The following SEC63 variants were observed in gnomAD, a reference collection of about 807,000 sequenced individuals.
SEC63 encodes SEC63 protein translocation regulator.
SEC63 carries 56 observed loss-of-function variants against 116.2 expected under a neutral mutation model. The ratio of observed to expected loss-of-function variants is 0.48; its 90% CI spans 0.39 to 0.60. SEC63 has a LOEUF of 0.60. Ranked by LOEUF, SEC63 falls within the 20% of genes least tolerant of loss-of-function variation. SEC63 has a pLI of 0.00. For synonymous variants in SEC63, 273 were observed against 294.6 expected (o/e 0.93, Z 0.75); for missense variants, 668 against 900.0 (o/e 0.74, Z 3.30).
At chr6:107,911,685 T>C (rs1310403695) in intron 6 of SEC63, among the ~76,000 whole-genome samples, 3 of 152,216 alleles carry the variant, frequency 2.0e-5, no homozygotes, top group African/African-American at 7.2e-5. Flanking sequence ...GAGCCTATGT[T>C]CATATCCACT....
chr6:107,879,726 T>A (rs1440409222), intron 18 of SEC63, among the ~76,000 whole-genome samples: 2 of 2,856 alleles, frequency 7.0e-4, no homozygotes, highest in African/African-American at 5.3e-3. Flanking sequence ...ATTTTTATCT[T>A]TTTTTTTTTT....
intron 4 of SEC63, among the ~76,000 whole-genome samples, chr6:107,920,672 A>G (rs889739386): frequency 4.6e-5 from 7 of 152,156 alleles, no homozygotes; most frequent in African/African-American, 1.4e-4. Flanking sequence ...AAAGACAGAC[A>G]ATCTCATATT....
intron 1 of SEC63, among the ~76,000 whole-genome samples, chr6:107,946,212 G>C (rs1296038972): frequency 6.6e-6 from 1 of 151,138 alleles, no homozygotes; most frequent in Non-Finnish European, 1.5e-5. Flanking sequence ...TGGGATTACA[G>C]GCATAAGCCA....
At chr6:107,890,546 T>C (rs767561026) in intron 16 of SEC63, among the ~76,000 whole-genome samples, 43 of 152,352 alleles carry the variant, frequency 2.8e-4, no homozygotes, top group South Asian at 8.3e-4. Flanking sequence ...TGTCTTTTAA[T>C]TGGGGCATTT....
intron 14 of SEC63, among the ~76,000 whole-genome samples, chr6:107,896,030 G>T (rs771772244): frequency 6.6e-6 from 1 of 151,658 alleles, no homozygotes; most frequent in Non-Finnish European, 1.5e-5. Flanking sequence ...GCTGGACATG[G>T]TGGTGCACAC....
intron 14 of SEC63, 99 bp downstream of exon 14, chr6:107,897,550 T>C (rs1786886471): frequency 1.2e-6 from 1 of 864,980 alleles, no homozygotes; most frequent in Non-Finnish European, 1.9e-6. Context: ...AAATTAGATC[T>C]TGGTATTACA....
chr6:107,926,798 CG>C (rs1752931412), intron 2 of SEC63, among the ~76,000 whole-genome samples: 1 of 151,950 alleles, frequency 6.6e-6, no homozygotes. Flanking sequence ...TATGCTAAAC[CG>C]TATGTTTTAC....
chr6:107,910,540 C>T (rs1369633499), intron 7 of SEC63, among the ~76,000 whole-genome samples: 1 of 144,858 alleles, frequency 6.9e-6, no homozygotes, highest in South Asian at 2.1e-4. Flanking sequence ...GCATGTCATA[C>T]ATATATACAT....
chr6:107,938,932 A>G (rs1770313841), intron 1 of SEC63, among the ~76,000 whole-genome samples: 1 of 152,210 alleles, frequency 6.6e-6, no homozygotes. Context: ...CTGTGACTAT[A>G]AAGTTTTTCC....
In SEC63 at chr6:107,881,065, C is replaced by G. The variant is rs116545166; in HGVS notation, c.1935+84G>C. On this transcript the variant is annotated intron_variant, in intron 18 of 20. Coordinates refer to ENST00000369002, the MANE Select transcript of SEC63 (RefSeq NM_007214.5). ...TTTAGCACATATGAACTAATACACA[C>G]GACAGAGGGCTAAAAGTCAACTGAC... is the stretch of plus-strand genomic sequence containing the variant. 68 of 971,914 alleles carry G rather than the reference C, an allele frequency of 7.0e-5. No homozygotes were observed. The East Asian group carries it at 1.1e-3, about 15-fold the overall frequency. The allele number at this position is 971,914 out of a possible 1,614,324, so 60.2% of individuals were successfully genotyped here. A position where few individuals can be genotyped will look rare whatever the true frequency, so the allele number is the denominator to read the frequency against.
At chr6:107,927,304 G>C (rs1032605904) in intron 2 of SEC63, among the ~76,000 whole-genome samples, 2 of 152,034 alleles carry the variant, frequency 1.3e-5, no homozygotes, top group African/African-American at 4.8e-5. Flanking sequence ...GACCTCAGGG[G>C]ATCCGCCCAC....
rs1241848006 is a variant in SEC63, at chr6:107,878,392, CCT to C, written c.1936-1732_1936-1731del. Among the ~76,000 whole-genome samples, 15 of 152,288 alleles carry C rather than the reference CCT, an allele frequency of 9.8e-5. No homozygotes were observed. In the East Asian group the frequency reaches 2.7e-3, roughly 27 times the overall value. ...ATTAGTGACATGAGGTACAATATCA[CCT>C]CTTTTTTAAGTCATTTTGACATTTG... On this transcript the variant is annotated intron_variant, in intron 18 of 20. Transcript: ENST00000369002.
intron 1 of SEC63, among the ~76,000 whole-genome samples, chr6:107,933,034 T>C (rs752982660): frequency 6.6e-6 from 1 of 152,070 alleles, no homozygotes; most frequent in Non-Finnish European, 1.5e-5. Flanking sequence ...ATAGGAAGAT[T>C]ATCATAGAAG....
chr6:107,938,247 A>ATTTTT lies in SEC63; in HGVS notation c.125-8738_125-8734dup, dbSNP rs4028676. Among the ~76,000 whole-genome samples, 252 of 133,954 alleles carry ATTTTT rather than the reference A, an allele frequency of 1.9e-3. 8 individuals are homozygous for ATTTTT. Among genetic ancestry groups the ATTTTT allele is most frequent in the Non-Finnish European group, 3.1e-3 (203 of 64,592 alleles). The allele number at this position is 133,954 out of a possible 152,430, so 87.9% of individuals were successfully genotyped here. A position where few individuals can be genotyped will look rare whatever the true frequency, so the allele number is the denominator to read the frequency against. On this transcript the variant is annotated intron_variant, in intron 1 of 20. Transcript: ENST00000369002. ...TAATATATTTCATCCTGGTGAGTTAATTTTTTTTTTTTTTTTTTGAGACAG... is the reference window on the plus strand; with the variant it reads ...TAATATATTTCATCCTGGTGAGTTAATTTTTTTTTTTTTTTTTTTTTTTGAGACAG...
intron 11 of SEC63, among the ~76,000 whole-genome samples, chr6:107,903,653 T>C (rs1193124715): frequency 6.6e-6 from 1 of 152,138 alleles, no homozygotes; most frequent in Non-Finnish European, 1.5e-5. Flanking sequence ...TGCAGTGAGC[T>C]ATGATTACCC....
intron 16 of SEC63, among the ~76,000 whole-genome samples, chr6:107,885,151 C>A (rs770854128): frequency 2.0e-5 from 3 of 152,052 alleles, no homozygotes; most frequent in Non-Finnish European, 4.4e-5. Context: ...ATTACACTGA[C>A]AGTTCTAGCC....
chr6:107,900,753 G>A (rs1387090289), intron 13 of SEC63, among the ~76,000 whole-genome samples: 1 of 152,176 alleles, frequency 6.6e-6, no homozygotes, highest in Non-Finnish European at 1.5e-5. Context: ...CTTAGCAAAT[G>A]TTAAAGCTCA....
intron 1 of SEC63, among the ~76,000 whole-genome samples, chr6:107,934,008 C>A (rs1464975714): frequency 6.6e-6 from 1 of 152,248 alleles, no homozygotes; most frequent in African/African-American, 2.4e-5. Flanking sequence ...CAGACGGAGT[C>A]TGGTTCACTC....
chr6:107,903,067 A>T (rs1340420017), intron 11 of SEC63, 69 bp from the exon 12 acceptor site: 1 of 1,517,952 alleles, frequency 6.6e-7, no homozygotes, highest in African/African-American at 1.4e-5. Context: ...ACAATTCATC[A>T]CAAAAACAAA....
Sources: allele counts gnomAD v4.1 joint callset (sites outside exome capture counted in the v4.1 genomes callset), GRCh38; gene constraint gnomAD v4.1.1; transcripts MANE v1.5; gene names NCBI Gene and HGNC (gene_info 2026-07-23, HGNC 2026-07-21).